JAKMIP3: variants seen among roughly 807,000 people sequenced by gnomAD.
JAKMIP3 encodes the protein janus kinase and microtubule-interacting protein 3.
JAKMIP3 carries 58 observed loss-of-function variants against 118.5 expected under a neutral mutation model. The observed-to-expected ratio is 0.49, with a 90% CI of 0.40 to 0.61. JAKMIP3 has a LOEUF of 0.61. JAKMIP3 is among the 20% of genes least tolerant of loss of function. The probability of loss-of-function intolerance (pLI) is 0.00; values close to 1 mark genes in which losing one functional copy is unlikely to be tolerated. For synonymous variants in JAKMIP3, 486 were observed against 451.2 expected, an observed-to-expected ratio of 1.08 and a Z score of -0.98; for missense variants, 950 against 1,109.0, an observed-to-expected ratio of 0.86 and a Z score of 2.04.
rs575098656 is a variant in JAKMIP3 at position 132,039,003 on chromosome 10, A to G, written c.-138+2265A>G. ...CCTTCACCCAGCGGAGCCGCTCGTG[A>G]GGCCACACGGGGAACCAGGCTCAGG... On this transcript the variant is annotated intron_variant, in intron 1 of 23. Transcript: ENST00000657785. Among the ~76,000 whole-genome samples the G allele has an allele frequency of 4.7e-3, 716 of 152,298 alleles. 8 individuals are homozygous for G. The highest frequency in any genetic ancestry group is 0.017 in the African/African-American group (698 of 41,566).
chr10:132,167,864 G>C (rs45456394), intron 22 of JAKMIP3, 89 bp from the exon 23 acceptor site: 457,642 of 846,524 alleles, frequency 0.54, 139,244 homozygotes, highest in East Asian at 0.9. Flanking sequence ...TCACCCCTCG[G>C]CCCTCGCCCC....
At chr10:132,133,071 G>A (rs2050948085) in intron 3 of JAKMIP3, among the ~76,000 whole-genome samples, 1 of 152,222 alleles carries the variant, frequency 6.6e-6, no homozygotes, top group Admixed American at 6.5e-5. Flanking sequence ...CAGAGCCCGG[G>A]GACCGTCAGG....
At chr10:132,079,860 C>T (rs927535261) in intron 1 of JAKMIP3, among the ~76,000 whole-genome samples, 11 of 152,240 alleles carry the variant, frequency 7.2e-5, no homozygotes, top group Admixed American at 3.9e-4. Flanking sequence ...CTTCTTAAGG[C>T]TGAATCGTGT....
intron 3 of JAKMIP3, among the ~76,000 whole-genome samples, chr10:132,120,088 G>A (rs1323816868): frequency 6.6e-6 from 1 of 152,216 alleles, no homozygotes; most frequent in Admixed American, 6.5e-5. Context: ...GGGTCAGGTC[G>A]TCCCCAGGGC....
In JAKMIP3 at chr10:132,090,708, A is replaced by C. The variant is rs189524418; in HGVS notation, c.-137-13964A>C. 3.4e-3 allele frequency among the ~76,000 whole-genome samples: 524 copies of C among 152,236 alleles called. 3 individuals are homozygous for C. Among genetic ancestry groups the C allele is most frequent in the Non-Finnish European group, 5.8e-3 (394 of 67,998 alleles). ...AGGGTTTTTGTCTCTATCTCCTTCA[A>C]TTCTGCTCTGATCTTAGTTATTTCT... is the stretch of plus-strand genomic sequence containing the variant. On this transcript the variant is annotated intron_variant, in intron 1 of 23. Transcript: ENST00000684848.
At chr10:132,133,923 A>T (rs2051173106) in intron 4 of JAKMIP3, among the ~76,000 whole-genome samples, 1 of 152,198 alleles carries the variant, frequency 6.6e-6, no homozygotes, top group Non-Finnish European at 1.5e-5. Flanking sequence ...TGGCCCGGGA[A>T]GGCTGGTGCA....
At chr10:132,126,641 C>T (rs1362373704) in intron 3 of JAKMIP3, among the ~76,000 whole-genome samples, 1 of 152,288 alleles carries the variant, frequency 6.6e-6, no homozygotes, top group Admixed American at 6.5e-5. Context: ...CAATACTCTT[C>T]ATCAGATTAA....
At position 132,159,674 on chromosome 10, in the gene JAKMIP3, C is replaced by T. The variant is rs542373848; in HGVS notation, c.2221-3535C>T. ...TCTCCCTGTGTGATGCTGGGGGGTC[C>T]TCTCCCTATGTGATGCTCAGGGGGC... On this transcript the variant is annotated intron_variant, in intron 19 of 23. Coordinates refer to ENST00000684848, the MANE Select transcript of JAKMIP3 (RefSeq NM_001323087.2). Among the ~76,000 whole-genome samples, 31 of 99,264 alleles carry T rather than the reference C, an allele frequency of 3.1e-4. 1 individual carries two copies. The South Asian group carries it at 8.6e-3, about 27-fold the overall frequency. 65.1% of individuals were successfully genotyped at this position (99,264 alleles called of 152,430 possible). A position where few individuals can be genotyped will look rare whatever the true frequency, so the allele number is the denominator to read the frequency against.
chr10:132,149,553 A>ATT, intron 15 of JAKMIP3, 43 bp downstream of exon 15: 1 of 557,798 alleles, frequency 1.8e-6, no homozygotes, highest in African/African-American at 6.4e-5. Flanking sequence ...CACCTCACCC[A>ATT]TCCCCCGCCC....
rs373302991 is a variant in JAKMIP3, at chr10:132,153,857, G to T, written c.2142+30G>T. ...GTGGCACCTTCACCGAGGTTCTGCG[G>T]CTCGGTGCTGCAGGTGGGACATCCG... On this transcript the variant is annotated intron_variant, in intron 18 of 23. Coordinates refer to ENST00000684848, the MANE Select transcript of JAKMIP3 (RefSeq NM_001323087.2). 67 of 1,612,198 alleles carry T rather than the reference G, an allele frequency of 4.2e-5. No individual in the cohort carries two copies. The African/African-American group carries it at 8.0e-4, about 19-fold the overall frequency.
At chr10:132,146,859 T>G (rs2054717537) in intron 13 of JAKMIP3, among the ~76,000 whole-genome samples, 1 of 152,190 alleles carries the variant, frequency 6.6e-6, no homozygotes, top group Non-Finnish European at 1.5e-5. Context: ...CTCAGCACAG[T>G]GCTGTGTGTG....
intron 3 of JAKMIP3, among the ~76,000 whole-genome samples, chr10:132,121,296 A>T (rs921234131): frequency 6.6e-6 from 1 of 152,174 alleles, no homozygotes; most frequent in Non-Finnish European, 1.5e-5. Context: ...AACCCAGCTC[A>T]TGGGGCTCCA....
At chr10:132,122,951 T>A (rs761868930) in intron 3 of JAKMIP3, among the ~76,000 whole-genome samples, 1 of 152,180 alleles carries the variant, frequency 6.6e-6, no homozygotes, top group Non-Finnish European at 1.5e-5. Flanking sequence ...GCCCATCATC[T>A]TCAGGCCCCA....
chr10:132,110,818 C>G (rs1042741997), intron 2 of JAKMIP3, among the ~76,000 whole-genome samples: 2 of 152,192 alleles, frequency 1.3e-5, no homozygotes, highest in African/African-American at 2.4e-5. Flanking sequence ...GGAGGGCTCT[C>G]GAGGGAACCG....
At chr10:132,086,032 C>G (rs1350090459) in intron 1 of JAKMIP3, among the ~76,000 whole-genome samples, 1 of 152,064 alleles carries the variant, frequency 6.6e-6, no homozygotes, top group African/African-American at 2.4e-5. Context: ...TTAGCACTGC[C>G]TTTGCTGTAT....
At position 132,044,161 on chromosome 10, in the gene JAKMIP3, C is replaced by G. The variant is rs1024275164; in HGVS notation, c.-138+7423C>G. On this transcript the variant is annotated intron_variant, in intron 1 of 23. Transcript: ENST00000657785. The surrounding 1 kb of genome is among the most constrained non-coding windows in gnomAD (Gnocchi z 5.3). ...CCCGATGCCTGGTGGGGGGGCTTCT[C>G]TGGGCCCTCAGCTGCCCTTAGGGCC... Among the ~76,000 whole-genome samples the G allele has an allele frequency of 6.6e-6, 1 of 152,222 alleles. No individual in the cohort carries two copies. The highest frequency in any genetic ancestry group is 6.5e-5 in the Admixed American group (1 of 15,286).
upstream of JAKMIP3, among the ~76,000 whole-genome samples, chr10:132,060,980 G>T (rs1465529414): frequency 2.0e-5 from 3 of 152,012 alleles, no homozygotes; most frequent in African/African-American, 4.8e-5. Flanking sequence ...GGCCAAGATC[G>T]CACCACTGCA....
rs538561794 is a variant in JAKMIP3, at chr10:132,151,612, A to T, written c.2008-1346A>T. Among the ~76,000 whole-genome samples, 4 of 151,544 alleles carry T rather than the reference A, an allele frequency of 2.6e-5. No individual in the cohort carries two copies. In the South Asian group the frequency reaches 6.2e-4, roughly 24 times the overall value. On this transcript the variant is annotated intron_variant, in intron 16 of 23. Coordinates refer to ENST00000684848, the MANE Select transcript of JAKMIP3 (RefSeq NM_001323087.2). ...TTGGGAACTGTATTGGGCAACTCTGATTCACAGTTGGAGAAGCTGAGTCCC... is the reference window on the plus strand; with the variant it reads ...TTGGGAACTGTATTGGGCAACTCTGTTTCACAGTTGGAGAAGCTGAGTCCC...
intron 3 of JAKMIP3, among the ~76,000 whole-genome samples, chr10:132,132,372 G>T (rs761631496): frequency 3.3e-5 from 5 of 152,208 alleles, no homozygotes; most frequent in Non-Finnish European, 7.3e-5. Context: ...GGAAAATGAT[G>T]CCCAAAGTGC....
Sources: gnomAD v4.1 joint callset for allele counts (sites outside exome capture counted in the v4.1 genomes callset) on GRCh38, gnomAD v4.1.1 for gene constraint, Gnocchi (gnomAD v3.1) non-coding constraint, MANE v1.5 for transcripts, NCBI Gene and HGNC (gene_info 2026-07-23, HGNC 2026-07-21) for gene names.